Variants in RERE observed in about 807,000 individuals in gnomAD.
RERE encodes the protein arginine-glutamic acid dipeptide repeats.
Under a neutral mutation model 146.1 loss-of-function variants are expected in RERE, and 40 were observed. That is an observed-to-expected ratio of 0.27 (90% CI 0.21 to 0.36). The LOEUF (loss-of-function observed/expected upper bound fraction) is 0.36, where lower values mean the gene tolerates loss of function less well. Among genes scored for constraint, RERE ranks in the 10% least tolerant of loss-of-function variants. The pLI is 1.00. For synonymous variants in RERE, 1,003 were observed against 866.0 expected (o/e 1.16, Z -2.78); for missense variants, 1,933 against 2,138.7 (o/e 0.90, Z 1.90).
At chr1:8,619,187 T>C (rs1320648449) in intron 3 of RERE, among the ~76,000 whole-genome samples, 3 of 152,152 alleles carry the variant, frequency 2.0e-5, no homozygotes, top group Non-Finnish European at 2.9e-5. Flanking sequence ...ATTTAGAAAG[T>C]AGGCTGTTAG....
chr1:8,790,750 A>T (rs1483917458), intron 1 of RERE, among the ~76,000 whole-genome samples: 1 of 152,108 alleles, frequency 6.6e-6, no homozygotes, highest in East Asian at 1.9e-4. Context: ...TGCCCAAATA[A>T]TTTTTTTGTA....
intron 10 of RERE, among the ~76,000 whole-genome samples, chr1:8,480,589 C>T (rs980616305): frequency 2.6e-5 from 4 of 151,774 alleles, no homozygotes; most frequent in Admixed American, 6.6e-5. Flanking sequence ...GCATGCACCA[C>T]CATACTTGGC....
At chr1:8,357,420 C>T (rs1322425596) in intron 20 of RERE, among the ~76,000 whole-genome samples, 1 of 152,194 alleles carries the variant, frequency 6.6e-6, no homozygotes, top group Non-Finnish European at 1.5e-5. Flanking sequence ...AAGGTGGCTC[C>T]CCGCCCTCCC....
chr1:8,637,153 T>C (rs919832485), intron 2 of RERE, among the ~76,000 whole-genome samples: 20 of 151,640 alleles, frequency 1.3e-4, no homozygotes, highest in African/African-American at 4.6e-4. Flanking sequence ...TCAAAATAGG[T>C]TGATTCAACT....
chr1:8,751,979 TATA>T (rs1418548524), intron 1 of RERE, among the ~76,000 whole-genome samples: 1 of 150,220 alleles, frequency 6.7e-6, no homozygotes, highest in Non-Finnish European at 1.5e-5. Context: ...ATCAATTCAA[TATA>T]ATAATAGTTA....
chr1:8,666,026 G>A (rs892002458), intron 1 of RERE, among the ~76,000 whole-genome samples: 3 of 152,146 alleles, frequency 2.0e-5, no homozygotes, highest in African/African-American at 7.2e-5. Flanking sequence ...CCTAGGATAT[G>A]AACCCAAGCA....
rs139888880 is a variant in RERE, at chr1:8,656,059, G to T, written c.239C>A (p.Pro80Gln). 3 of 1,613,332 alleles carry T rather than the reference G, an allele frequency of 1.9e-6. No individual in the cohort carries two copies. The highest frequency in any genetic ancestry group is 2.2e-5 in the East Asian group (1 of 44,876). ...CCTTTCATAACGAGACTTTTTTTTC[G>T]GTGGTTTCTTCTTATTCTTCTTCGT... The part of the protein sequence containing the change: ...ESTKKNKKKP[P>Q]KKKSRYERTD... Residue 80 changes from proline to glutamine, a missense_variant, in exon 2 of 23, where the codon CCG (proline) becomes CAG (glutamine). This residue lies in a region of RERE where 107 missense variants were observed against 119.7 expected (regional missense o/e 0.89). Coordinates refer to ENST00000400908, the MANE Select transcript of RERE (RefSeq NM_001042681.2).
intron 1 of RERE, among the ~76,000 whole-genome samples, chr1:8,725,953 A>G (rs1230154206): frequency 7.1e-6 from 1 of 141,122 alleles, no homozygotes; most frequent in African/African-American, 2.7e-5. Context: ...AAAAAAGTCA[A>G]AATAAGTCAA....
intron 1 of RERE, among the ~76,000 whole-genome samples, chr1:8,692,674 G>C (rs1032066730): frequency 1.3e-5 from 2 of 152,026 alleles, no homozygotes; most frequent in Non-Finnish European, 2.9e-5. Flanking sequence ...AGAATCTCTA[G>C]ATTACGTATA....
chr1:8,690,837 T>G (rs912521442), intron 1 of RERE, among the ~76,000 whole-genome samples: 2 of 152,200 alleles, frequency 1.3e-5, no homozygotes, highest in South Asian at 4.1e-4. Context: ...TATGTATTCA[T>G]GTTCATTTTG....
At chr1:8,603,810 T>C (rs1057374829) in intron 4 of RERE, among the ~76,000 whole-genome samples, 2 of 151,230 alleles carry the variant, frequency 1.3e-5, no homozygotes, top group African/African-American at 4.9e-5. Context: ...ATTTTAAAAT[T>C]AGCAGGGCAT....
chr1:8,541,170 A>G (rs748914164), intron 7 of RERE, 44 bp downstream of exon 7: 1 of 1,078,336 alleles, frequency 9.3e-7, no homozygotes, highest in Non-Finnish European at 1.4e-6. Context: ...CAAATGAGAA[A>G]AGGAAAAGAG....
chr1:8,451,202 G>A (rs1041339093), intron 11 of RERE, among the ~76,000 whole-genome samples: 5 of 152,150 alleles, frequency 3.3e-5, no homozygotes, highest in East Asian at 1.9e-4. Flanking sequence ...AGGCTGAGGC[G>A]GGTGGATCAC....
chr1:8,506,483 C>T (rs1254581021), intron 8 of RERE, among the ~76,000 whole-genome samples: 1 of 152,214 alleles, frequency 6.6e-6, no homozygotes, highest in African/African-American at 2.4e-5. Flanking sequence ...GTAAATGACA[C>T]ACAATTTAGA....
intron 7 of RERE, among the ~76,000 whole-genome samples, chr1:8,532,522 T>C (rs1006506712): frequency 8.6e-5 from 13 of 151,810 alleles, no homozygotes; most frequent in African/African-American, 1.4e-4. Context: ...CTGGGTTCAA[T>C]AGATTCTCCT....
At chr1:8,669,716 T>A (rs1354770823) in intron 1 of RERE, among the ~76,000 whole-genome samples, 2 of 152,176 alleles carry the variant, frequency 1.3e-5, no homozygotes, top group African/African-American at 4.8e-5. Context: ...ATACAGGAAT[T>A]CTTGGTCAGG....
At chr1:8,525,916 T>C in intron 7 of RERE, 1 of 1,398,388 alleles carries the variant, frequency 7.2e-7, no homozygotes, top group Non-Finnish European at 9.3e-7. Flanking sequence ...GAGCTTTCAC[T>C]GAGCTTGTGC....
intron 7 of RERE, among the ~76,000 whole-genome samples, chr1:8,536,351 G>A (rs1645726996): frequency 6.6e-6 from 1 of 152,068 alleles, no homozygotes; most frequent in South Asian, 2.1e-4. Context: ...TCCAAGAGGT[G>A]AGATCTTACC....
chr1:8,575,561 A>ATATATATATATT (rs1337650659), intron 4 of RERE, among the ~76,000 whole-genome samples: 6 of 98,654 alleles, frequency 6.1e-5, no homozygotes, highest in African/African-American at 2.3e-4. Context: ...ATATATATAT[A>ATATATATATATT]TTTTTTTTTT....
Sources: allele counts gnomAD v4.1 joint callset (sites outside exome capture counted in the v4.1 genomes callset), GRCh38; gene constraint gnomAD v4.1.1; regional missense constraint gnomAD v4.1.1; transcripts MANE v1.5; gene names NCBI Gene and HGNC (gene_info 2026-07-23, HGNC 2026-07-21).